PLCB1: variants seen among roughly 807,000 people sequenced by gnomAD.
The protein encoded by PLCB1 is 1-phosphatidylinositol 4,5-bisphosphate phosphodiesterase beta-1.
A neutral mutation model predicts 161.8 loss-of-function variants in PLCB1; 46 were observed. The ratio of observed to expected loss-of-function variants is 0.28; its 90% CI spans 0.22 to 0.36. The LOEUF (loss-of-function observed/expected upper bound fraction) is 0.36. Among genes scored for constraint, PLCB1 ranks in the 10% least tolerant of loss-of-function variants. The pLI is 1.00. For synonymous variants in PLCB1, 517 were observed against 503.7 expected, an observed-to-expected ratio of 1.03 and a Z score of -0.35; for missense variants, 1,016 against 1,472.5, an observed-to-expected ratio of 0.69 and a Z score of 5.07.
intron 2 of PLCB1, among the ~76,000 whole-genome samples, chr20:8,361,480 C>T (rs185406919): frequency 1.3e-5 from 2 of 152,058 alleles, no homozygotes; most frequent in Non-Finnish European, 2.9e-5. Context: ...CACAGATTGT[C>T]GGGCCACCCC....
At chr20:8,190,003 G>T (rs1423876876) in intron 2 of PLCB1, among the ~76,000 whole-genome samples, 2 of 152,044 alleles carry the variant, frequency 1.3e-5, no homozygotes, top group African/African-American at 4.8e-5. Context: ...CATGTTCTTA[G>T]CAAGTCTTGA....
At chr20:8,780,443 C>A (rs1192272321) in intron 27 of PLCB1, among the ~76,000 whole-genome samples, 1 of 152,164 alleles carries the variant, frequency 6.6e-6, no homozygotes, top group African/African-American at 2.4e-5. Context: ...CTCTGCAGAG[C>A]CTTGCTTTGC....
intron 10 of PLCB1, among the ~76,000 whole-genome samples, chr20:8,686,710 G>GT (rs2123403628): frequency 6.6e-6 from 1 of 152,218 alleles, no homozygotes; most frequent in South Asian, 2.1e-4. Context: ...CTCAACTTTG[G>GT]TTAGTAGGAG....
rs73076174 is a variant in PLCB1 at position 8,616,595 on chromosome 20, C to T, written c.247-11699C>T. Among the ~76,000 whole-genome samples, 849 of 152,272 alleles carry T rather than the reference C, an allele frequency of 5.6e-3. 4 individuals are homozygous for T. Among genetic ancestry groups the T allele is most frequent in the Non-Finnish European group, 0.01 (683 of 68,018 alleles). On this transcript the variant is annotated intron_variant, in intron 3 of 31. Coordinates refer to ENST00000338037, the MANE Select transcript of PLCB1 (RefSeq NM_015192.4). ...CATCTGTTTTTGTTCACTGATGTAGCTCCATTAACTAGCACAGTGCCAGAT... is the reference window on the plus strand; with the variant it reads ...CATCTGTTTTTGTTCACTGATGTAGTTCCATTAACTAGCACAGTGCCAGAT...
intron 2 of PLCB1, among the ~76,000 whole-genome samples, chr20:8,304,269 G>A (rs896786832): frequency 6.6e-6 from 1 of 152,042 alleles, no homozygotes; most frequent in African/African-American, 2.4e-5. Flanking sequence ...GGTCCTTAAA[G>A]GTCAGCTGTT....
At chr20:8,347,440 A>G (rs1986033219) in intron 2 of PLCB1, among the ~76,000 whole-genome samples, 1 of 152,186 alleles carries the variant, frequency 6.6e-6, no homozygotes, top group African/African-American at 2.4e-5. Context: ...CCAAACCAGA[A>G]GGCAGAAAAG....
chr20:8,303,173 T>A (rs1045060315), intron 2 of PLCB1, among the ~76,000 whole-genome samples: 3 of 152,226 alleles, frequency 2.0e-5, no homozygotes, highest in African/African-American at 7.2e-5. Context: ...TCTCAGAACA[T>A]AAGAAGAGCA....
intron 2 of PLCB1, among the ~76,000 whole-genome samples, chr20:8,157,639 A>G (rs1206839718): frequency 2.0e-5 from 3 of 152,224 alleles, no homozygotes; most frequent in Non-Finnish European, 4.4e-5. Flanking sequence ...GCCTTAGCTT[A>G]TGTAGACACA....
chr20:8,397,392 A>C (rs1032696612), intron 3 of PLCB1, among the ~76,000 whole-genome samples: 3 of 152,124 alleles, frequency 2.0e-5, no homozygotes, highest in Admixed American at 6.6e-5. Context: ...TTAGAGATTA[A>C]AATGCTCTAT....
intron 2 of PLCB1, among the ~76,000 whole-genome samples, chr20:8,209,915 A>G (rs1978732381): frequency 6.6e-6 from 1 of 152,082 alleles, no homozygotes; most frequent in Non-Finnish European, 1.5e-5. Context: ...CTAGCTCTAT[A>G]TAACATTGAA....
At position 8,683,944 on chromosome 20, in the gene PLCB1, T is replaced by C. The variant is rs986700475; in HGVS notation, c.863-988T>C. 6.6e-5 allele frequency among the ~76,000 whole-genome samples: 10 copies of C among 150,574 alleles called. No homozygotes were observed. The South Asian group carries it at 8.5e-4, about 13-fold the overall frequency. ...TGTCACCCAGGCTGGAGTGTAGTGG[T>C]GCGATCTCAGCTCACTGCAAACTCC... On this transcript the variant is annotated intron_variant, in intron 9 of 31. Coordinates refer to ENST00000338037, the MANE Select transcript of PLCB1 (RefSeq NM_015192.4).
rs555065105 is a variant in PLCB1 at position 8,290,948 on chromosome 20, T to C, written c.178-80434T>C. 2.6e-5 allele frequency among the ~76,000 whole-genome samples: 4 copies of C among 151,834 alleles called. No individual in the cohort carries two copies. In the East Asian group the frequency reaches 5.8e-4, roughly 22 times the overall value. On this transcript the variant is annotated intron_variant, in intron 2 of 31. Transcript: ENST00000338037. ...CAACTATTGACAAGATTGTGCATAG[T>C]GTAAAGTGCTTTGGGATTTTATTCA... is the stretch of plus-strand genomic sequence containing the variant.
At chr20:8,424,288 A>G (rs1979654588) in intron 3 of PLCB1, among the ~76,000 whole-genome samples, 1 of 152,252 alleles carries the variant, frequency 6.6e-6, no homozygotes, top group African/African-American at 2.4e-5. Flanking sequence ...TTTGAGTCAT[A>G]GGACGGGAAT....
chr20:8,791,676 A>G (rs984712536), intron 31 of PLCB1, among the ~76,000 whole-genome samples: 1 of 145,950 alleles, frequency 6.9e-6, no homozygotes, highest in Non-Finnish European at 1.5e-5. Flanking sequence ...TGGTTCAACA[A>G]TGTTAACTAT....
At chr20:8,675,882 A>G (rs1270950081) in intron 9 of PLCB1, among the ~76,000 whole-genome samples, 1 of 152,232 alleles carries the variant, frequency 6.6e-6, no homozygotes, top group Non-Finnish European at 1.5e-5. Context: ...TTTATAAAAA[A>G]CCTTAAAAGT....
At chr20:8,863,413 A>C (rs1198263467) in intron 31 of PLCB1, among the ~76,000 whole-genome samples, 2 of 152,236 alleles carry the variant, frequency 1.3e-5, no homozygotes, top group Non-Finnish European at 2.9e-5. Context: ...AATCACCTGC[A>C]AGCCTTCTTC....
chr20:8,799,616 T>A (rs1022536), intron 31 of PLCB1, among the ~76,000 whole-genome samples: 137,331 of 152,182 alleles, frequency 0.9, 62,598 homozygotes, highest in Non-Finnish European at 0.96. Context: ...ATTTTAATTG[T>A]TTTCTAGAAA....
At chr20:8,645,753 A>G (rs1225132085) in intron 4 of PLCB1, among the ~76,000 whole-genome samples, 1 of 152,204 alleles carries the variant, frequency 6.6e-6, no homozygotes, top group East Asian at 1.9e-4. Flanking sequence ...AACATATTTG[A>G]TCATATTTTA....
At chr20:8,159,666 A>C in intron 2 of PLCB1, among the ~76,000 whole-genome samples, 1 of 151,978 alleles carries the variant, frequency 6.6e-6, no homozygotes, top group Non-Finnish European at 1.5e-5. Flanking sequence ...TACCCAAGCC[A>C]CCTCTTGAAT....
Sources: gnomAD v4.1 joint callset for allele counts (sites outside exome capture counted in the v4.1 genomes callset) on GRCh38, gnomAD v4.1.1 for gene constraint, MANE v1.5 for transcripts, NCBI Gene and HGNC (gene_info 2026-07-23, HGNC 2026-07-21) for gene names.